DLG2: variants seen among roughly 807,000 people sequenced by gnomAD.
The protein encoded by DLG2 is discs large MAGUK scaffold protein 2.
DLG2 carries 45 observed loss-of-function variants against 132.5 expected under a neutral mutation model. That is an observed-to-expected ratio of 0.34 (90% confidence interval 0.27 to 0.44). The LOEUF is 0.44. Ranked by LOEUF, DLG2 falls within the 20% of genes least tolerant of loss-of-function variation. The probability of loss-of-function intolerance (pLI) is 1.00; values close to 1 mark genes in which losing one functional copy is unlikely to be tolerated. For synonymous variants in DLG2, 424 were observed against 419.6 expected (o/e 1.01, Z -0.13); for missense variants, 1,045 against 1,196.9 (o/e 0.87, Z 1.87).
At chr11:83,967,163 C>T (rs2090395035) in intron 12 of DLG2, among the ~76,000 whole-genome samples, 1 of 152,066 alleles carries the variant, frequency 6.6e-6, no homozygotes, top group South Asian at 2.1e-4. Context: ...GTTGCCATAT[C>T]TTGGCTATTG....
chr11:84,488,656 AGAAAATG>A (rs1435024906), intron 7 of DLG2, among the ~76,000 whole-genome samples: 1 of 152,150 alleles, frequency 6.6e-6, no homozygotes, highest in African/African-American at 2.4e-5. Flanking sequence ...CTTCTGAGCC[AGAAAATG>A]GGCTAGAATC....
chr11:85,543,974 G>A (rs2076136672), intron 3 of DLG2, among the ~76,000 whole-genome samples: 1 of 152,080 alleles, frequency 6.6e-6, no homozygotes. Flanking sequence ...CTTTTGCTGT[G>A]CAGAAGCTCT....
chr11:85,369,635 C>T (rs1282590383), intron 3 of DLG2, among the ~76,000 whole-genome samples: 1 of 152,174 alleles, frequency 6.6e-6, no homozygotes, highest in Admixed American at 6.5e-5. Context: ...CTCCAAGCCT[C>T]CATCTTGCTT....
rs532039334 is a variant in DLG2 at position 83,940,101 on chromosome 11, C to A, written c.1341-9618G>T. 4.5e-4 allele frequency among the ~76,000 whole-genome samples: 68 copies of A among 152,308 alleles called. 1 individual carries two copies. The highest frequency in any genetic ancestry group is 1.6e-3 in the African/African-American group (68 of 41,564). On this transcript the variant is annotated intron_variant, in intron 14 of 27. Transcript: ENST00000376104. Reference sequence around the variant, plus strand: ...TGGTGGCCATGAGGGAAGGATAAGACATGCATAAGAACAAGAGATTGTTGT... The same window carrying A: ...TGGTGGCCATGAGGGAAGGATAAGAAATGCATAAGAACAAGAGATTGTTGT...
At chr11:85,047,937 G>C (rs898858684) in intron 6 of DLG2, among the ~76,000 whole-genome samples, 4 of 151,788 alleles carry the variant, frequency 2.6e-5, no homozygotes, top group African/African-American at 9.7e-5. Context: ...AGTTTTACCT[G>C]TTATCTCCAC....
chr11:85,577,266 C>T (rs554571596), intron 3 of DLG2, among the ~76,000 whole-genome samples: 1 of 151,988 alleles, frequency 6.6e-6, no homozygotes, highest in Non-Finnish European at 1.5e-5. Context: ...TGCAGTAGAC[C>T]AGATAAGAGA....
chr11:84,881,999 T>C (rs1196096214), intron 6 of DLG2, among the ~76,000 whole-genome samples: 1 of 152,140 alleles, frequency 6.6e-6, no homozygotes, highest in Non-Finnish European at 1.5e-5. Context: ...TTTGCTTTAA[T>C]TGATTTGTGG....
chr11:84,517,824 A>G (rs1165734538), intron 7 of DLG2, among the ~76,000 whole-genome samples: 1 of 152,050 alleles, frequency 6.6e-6, no homozygotes, highest in African/African-American at 2.4e-5. Flanking sequence ...AGCCACAAAG[A>G]AAAAGGAAAT....
intron 7 of DLG2, among the ~76,000 whole-genome samples, chr11:84,316,211 T>G (rs1054371134): frequency 1.3e-5 from 2 of 152,218 alleles, no homozygotes; most frequent in African/African-American, 2.4e-5. Context: ...ATAAACTTAT[T>G]GCTTCTCCAT....
chr11:83,975,619 C>T (rs71465582), intron 12 of DLG2, among the ~76,000 whole-genome samples: 6,457 of 151,716 alleles, frequency 0.043, 197 homozygotes, highest in Non-Finnish European at 0.067. Flanking sequence ...GGAAATAAAA[C>T]TGTAAGGAAT....
intron 17 of DLG2, among the ~76,000 whole-genome samples, chr11:83,827,068 G>A (rs1243428114): frequency 6.6e-6 from 1 of 152,160 alleles, no homozygotes; most frequent in Non-Finnish European, 1.5e-5. Context: ...CATGGGACCG[G>A]GAACCAGAGC....
chr11:84,982,654 T>G (rs2055921205), intron 6 of DLG2, among the ~76,000 whole-genome samples: 1 of 152,132 alleles, frequency 6.6e-6, no homozygotes, highest in Non-Finnish European at 1.5e-5. Context: ...TTTATGATAC[T>G]ACTCTGGGTA....
At chr11:83,509,385 AC>A (rs2094893315) in intron 21 of DLG2, among the ~76,000 whole-genome samples, 1 of 152,186 alleles carries the variant, frequency 6.6e-6, no homozygotes, top group Middle Eastern at 3.2e-3. Context: ...AATCTAGAAA[AC>A]AGGAAAGTCC....
chr11:84,099,798 TAA>T (rs1264521641), intron 9 of DLG2, among the ~76,000 whole-genome samples: 4 of 136,292 alleles, frequency 2.9e-5, no homozygotes, highest in African/African-American at 8.8e-5. Flanking sequence ...GATATATATA[TAA>T]GGATATATAT....
At chr11:84,560,438 G>A (rs938857894) in intron 6 of DLG2, among the ~76,000 whole-genome samples, 2 of 152,124 alleles carry the variant, frequency 1.3e-5, no homozygotes, top group Non-Finnish European at 2.9e-5. Context: ...ATCATCTGCT[G>A]TTAATTGGAA....
intron 6 of DLG2, among the ~76,000 whole-genome samples, chr11:85,052,442 A>C (rs1164575339): frequency 6.6e-6 from 1 of 152,230 alleles, no homozygotes; most frequent in African/African-American, 2.4e-5. Context: ...GGTTTTCATA[A>C]AGGGCCAAAC....
intron 3 of DLG2, among the ~76,000 whole-genome samples, chr11:85,383,415 T>G (rs550546398): frequency 2.6e-4 from 39 of 152,276 alleles, no homozygotes; most frequent in African/African-American, 9.4e-4. Context: ...GTAAACTTAC[T>G]AACAAAACGC....
In DLG2 at chr11:83,759,886, C is replaced by G. The variant is rs547958116; in HGVS notation, c.1825+26804G>C. On this transcript the variant is annotated intron_variant, in intron 18 of 27. Transcript: ENST00000376104. ...GATAATAATTACCAGCTCAGCTCAG[C>G]TCTGTCCCAGATTCCAAAACTCACA... Among the ~76,000 whole-genome samples, 9 of 152,322 alleles carry G rather than the reference C, an allele frequency of 5.9e-5. No individual in the cohort carries two copies. The East Asian group carries it at 1.5e-3, about 26-fold the overall frequency.
intron 3 of DLG2, among the ~76,000 whole-genome samples, chr11:85,558,059 C>G (rs2077032316): frequency 6.6e-6 from 1 of 151,910 alleles, no homozygotes; most frequent in East Asian, 1.9e-4. Context: ...AACTATGCAT[C>G]CAACAAAGGT....
Sources: gnomAD v4.1 joint callset for allele counts (sites outside exome capture counted in the v4.1 genomes callset) on GRCh38, gnomAD v4.1.1 for gene constraint, MANE v1.5 for transcripts, NCBI Gene and HGNC (gene_info 2026-07-23, HGNC 2026-07-21) for gene names.